The following MIR2052HG variants were observed in gnomAD, a reference collection of about 807,000 sequenced individuals.
MIR2052HG encodes the protein MIR2052 host gene.
At chr8:74,644,117 G>A (rs1808667438) in intron 2 of MIR2052HG, among the ~76,000 whole-genome samples, 1 of 152,166 alleles carries the variant, frequency 6.6e-6, no homozygotes, top group Non-Finnish European at 1.5e-5. Flanking sequence ...AAGGCCATGA[G>A]CTGGCACTTT....
At chr8:74,693,463 G>A (rs1387581556) in intron 2 of MIR2052HG, among the ~76,000 whole-genome samples, 2 of 152,066 alleles carry the variant, frequency 1.3e-5, no homozygotes, top group African/African-American at 4.8e-5. Context: ...GCAGATATGA[G>A]CACAGAAGCC....
At chr8:74,747,744 T>A (rs889440565) in intron 4 of MIR2052HG, among the ~76,000 whole-genome samples, 3 of 152,154 alleles carry the variant, frequency 2.0e-5, no homozygotes, top group African/African-American at 7.2e-5. Flanking sequence ...TACTTCTAAT[T>A]TGGAAGACAA....
chr8:74,662,998 A>G (rs1229229401), intron 2 of MIR2052HG, among the ~76,000 whole-genome samples: 1 of 152,118 alleles, frequency 6.6e-6, no homozygotes, highest in Non-Finnish European at 1.5e-5. Context: ...CCCCAATGTG[A>G]TAACCAAGAT....
chr8:74,668,609 G>T (rs1179173782), intron 2 of MIR2052HG, among the ~76,000 whole-genome samples: 3 of 152,080 alleles, frequency 2.0e-5, no homozygotes, highest in African/African-American at 7.2e-5. Context: ...TCTCTTTGGG[G>T]CATGGTGGTG....
chr8:74,730,441 A>G (rs1226378850), intron 4 of MIR2052HG, among the ~76,000 whole-genome samples: 1 of 152,212 alleles, frequency 6.6e-6, no homozygotes, highest in Non-Finnish European at 1.5e-5. Context: ...CATAGTACGT[A>G]AATGCACACA....
At chr8:74,616,930 A>G (rs1808290448) in intron 2 of MIR2052HG, among the ~76,000 whole-genome samples, 1 of 152,020 alleles carries the variant, frequency 6.6e-6, no homozygotes, top group South Asian at 2.1e-4. Context: ...GCTCTGTTTC[A>G]GGTATTGAGG....
At chr8:74,732,050 A>G (rs1241367949) in intron 4 of MIR2052HG, among the ~76,000 whole-genome samples, 4 of 152,212 alleles carry the variant, frequency 2.6e-5, no homozygotes, top group Non-Finnish European at 4.4e-5. Flanking sequence ...AGGGAAAGGA[A>G]TGCCAAGGAG....
intron 5 of MIR2052HG, among the ~76,000 whole-genome samples, chr8:74,755,652 C>T (rs963637875): frequency 6.6e-6 from 1 of 152,158 alleles, no homozygotes; most frequent in Non-Finnish European, 1.5e-5. Flanking sequence ...GGTCTTCCAG[C>T]GTTCTATCCA....
chr8:74,706,637 T>C (rs1195109221), intron 4 of MIR2052HG, among the ~76,000 whole-genome samples: 1 of 152,082 alleles, frequency 6.6e-6, no homozygotes, highest in Non-Finnish European at 1.5e-5. Flanking sequence ...CGAGAGCAGG[T>C]AAAGAAAACC....
At chr8:74,638,915 A>G (rs1216312023) in intron 2 of MIR2052HG, among the ~76,000 whole-genome samples, 1 of 152,132 alleles carries the variant, frequency 6.6e-6, no homozygotes, top group African/African-American at 2.4e-5. Flanking sequence ...AGAAGGTTGA[A>G]AGGCTGAGGA....
chr8:74,651,613 G>C (rs1197634049), intron 2 of MIR2052HG, among the ~76,000 whole-genome samples: 1 of 152,122 alleles, frequency 6.6e-6, no homozygotes, highest in Non-Finnish European at 1.5e-5. Context: ...GTATGGTATG[G>C]AGAAATTATT....
At chr8:74,748,197 C>T (rs1809907167) in intron 4 of MIR2052HG, among the ~76,000 whole-genome samples, 1 of 152,154 alleles carries the variant, frequency 6.6e-6, no homozygotes. Flanking sequence ...GAAACTCAGT[C>T]AGAAGCTGGC....
At chr8:74,620,615 A>G (rs1808348378) in intron 2 of MIR2052HG, among the ~76,000 whole-genome samples, 1 of 152,262 alleles carries the variant, frequency 6.6e-6, no homozygotes, top group Non-Finnish European at 1.5e-5. Flanking sequence ...CCTGAGCTGT[A>G]TGCTGACCCT....
chr8:74,661,242 C>T (rs533987989), intron 2 of MIR2052HG, among the ~76,000 whole-genome samples: 5 of 148,650 alleles, frequency 3.4e-5, no homozygotes, highest in Non-Finnish European at 7.4e-5. Context: ...CACTCTGTTG[C>T]CCAGGCTGGT....
At chr8:74,689,340 G>A (rs369441818) in intron 2 of MIR2052HG, among the ~76,000 whole-genome samples, 7 of 152,290 alleles carry the variant, frequency 4.6e-5, no homozygotes, top group African/African-American at 1.7e-4. Flanking sequence ...AGCATGAATT[G>A]TGTGATTCTT....
intron 2 of MIR2052HG, among the ~76,000 whole-genome samples, chr8:74,652,413 G>C (rs1563523458): frequency 2.0e-5 from 3 of 152,154 alleles, no homozygotes; most frequent in Admixed American, 6.6e-5. Context: ...CTAGGCTCTG[G>C]AGTGAAGACC....
intron 2 of MIR2052HG, among the ~76,000 whole-genome samples, chr8:74,630,571 A>T (rs918090075): frequency 6.6e-6 from 1 of 152,130 alleles, no homozygotes; most frequent in Non-Finnish European, 1.5e-5. Flanking sequence ...AGCTTAAAAA[A>T]CTTTGATGAT....
intron 2 of MIR2052HG, among the ~76,000 whole-genome samples, chr8:74,617,079 T>C (rs1275535933): frequency 1.3e-5 from 2 of 152,208 alleles, no homozygotes; most frequent in Non-Finnish European, 2.9e-5. Flanking sequence ...TTCCTTTAGA[T>C]ACAACTCTTT....
At chr8:74,742,089 T>C (rs1052836975) in intron 4 of MIR2052HG, among the ~76,000 whole-genome samples, 6 of 152,170 alleles carry the variant, frequency 3.9e-5, no homozygotes, top group African/African-American at 1.2e-4. Flanking sequence ...GGGGTGAGGA[T>C]CACTGTACGT....
Sources: gnomAD v4.1 joint callset for allele counts (sites outside exome capture counted in the v4.1 genomes callset) on GRCh38, gnomAD v4.1.1 for gene constraint, MANE v1.5 for transcripts, NCBI Gene and HGNC (gene_info 2026-07-23, HGNC 2026-07-21) for gene names.